SLC4A5: variants seen among roughly 807,000 people sequenced by gnomAD.
SLC4A5 encodes electrogenic sodium bicarbonate cotransporter 4.
A neutral mutation model predicts 120.4 loss-of-function variants in SLC4A5; 96 were observed. That is an observed-to-expected ratio of 0.80 (90% CI 0.68 to 0.94). The LOEUF (loss-of-function observed/expected upper bound fraction) is 0.94. Among genes scored for constraint, SLC4A5 ranks in the 40% least tolerant of loss-of-function variants. The pLI is 0.00. For synonymous variants in SLC4A5, 550 were observed against 571.1 expected (o/e 0.96, Z 0.53); for missense variants, 1,259 against 1,459.5 (o/e 0.86, Z 2.24).
chr2:74,320,118 T>G (rs1292321081), intron 5 of SLC4A5, among the ~76,000 whole-genome samples: 1 of 151,770 alleles, frequency 6.6e-6, no homozygotes, highest in Non-Finnish European at 1.5e-5. Context: ...TAAAAAGAGA[T>G]TAAACAAATA....
At chr2:74,248,543 C>A (rs1336859677) in intron 17 of SLC4A5, 57 bp from the exon 18 acceptor site, 40 of 1,597,986 alleles carry the variant, frequency 2.5e-5, no homozygotes, top group Non-Finnish European at 1.7e-5. Flanking sequence ...TCTCTCCACA[C>A]AGGCTGCAGC....
chr2:74,296,880 T>C (rs1037538666), intron 7 of SLC4A5, among the ~76,000 whole-genome samples: 2 of 152,112 alleles, frequency 1.3e-5, no homozygotes, highest in African/African-American at 2.4e-5. Context: ...GGAGATGTTT[T>C]AGAGATAAAC....
chr2:74,290,275 C>A (rs961522820), intron 7 of SLC4A5: 3 of 985,552 alleles, frequency 3.0e-6, no homozygotes, highest in Non-Finnish European at 3.6e-6. Context: ...CGCTGGGGTC[C>A]CTGGCTGTCG....
At chr2:74,331,720 T>C (rs1388572109) in intron 4 of SLC4A5, among the ~76,000 whole-genome samples, 1 of 152,066 alleles carries the variant, frequency 6.6e-6, no homozygotes, top group African/African-American at 2.4e-5. Flanking sequence ...CAAGCACTTT[T>C]GCCTCACCTT....
chr2:74,252,375 A>G, exon 16 of SLC4A5: 1 of 1,612,546 alleles, frequency 6.2e-7, no homozygotes, highest in Non-Finnish European at 8.5e-7. Flanking sequence ...TCTGCTAGGG[A>G]GAACACAGAT....
chr2:74,249,235 G>C (rs769047931), intron 17 of SLC4A5, among the ~76,000 whole-genome samples: 2 of 152,158 alleles, frequency 1.3e-5, no homozygotes, highest in East Asian at 3.9e-4. Context: ...ATAGGTTTAG[G>C]GTGCCACAGG....
intron 6 of SLC4A5, among the ~76,000 whole-genome samples, chr2:74,311,946 T>C (rs1433129131): frequency 6.6e-6 from 1 of 152,206 alleles, no homozygotes; most frequent in Non-Finnish European, 1.5e-5. Context: ...TCGTCTTCAG[T>C]TTTGTCATTT....
chr2:74,242,121 T>G, intron 19 of SLC4A5, 69 bp from the exon 20 acceptor site: 1 of 1,424,868 alleles, frequency 7.0e-7, no homozygotes, highest in South Asian at 1.2e-5. Flanking sequence ...TCCCAACCCC[T>G]TCCCATCTCC....
chr2:74,229,310 T>G (rs1488494997), intron 25 of SLC4A5, among the ~76,000 whole-genome samples: 1 of 148,546 alleles, frequency 6.7e-6, no homozygotes, highest in African/African-American at 2.5e-5. Context: ...AGTGCAGTGG[T>G]GCAATCTCGG....
At chr2:74,296,786 CAAAAA>C (rs11374814) in intron 7 of SLC4A5, among the ~76,000 whole-genome samples, 6 of 73,040 alleles carry the variant, frequency 8.2e-5, no homozygotes, top group Non-Finnish European at 1.5e-4. Flanking sequence ...GACTCTGTCT[CAAAAA>C]AAAAAAAAAA....
At chr2:74,306,371 A>C (rs10196689) in intron 6 of SLC4A5, among the ~76,000 whole-genome samples, 5,835 of 152,224 alleles carry the variant, frequency 0.038, 380 homozygotes, top group African/African-American at 0.13. Flanking sequence ...TTCTTCCCCA[A>C]ACAGAAACAT....
At chr2:74,267,647 T>C (rs546386868) in intron 8 of SLC4A5, among the ~76,000 whole-genome samples, 1 of 152,182 alleles carries the variant, frequency 6.6e-6, no homozygotes, top group Admixed American at 6.5e-5. Context: ...AGGATTGTTG[T>C]TGGGGCGGGA....
chr2:74,278,183 TG>T (rs749508316), intron 8 of SLC4A5, among the ~76,000 whole-genome samples: 1 of 152,158 alleles, frequency 6.6e-6, no homozygotes, highest in Non-Finnish European at 1.5e-5. Context: ...GGGATGACTT[TG>T]GTTGGGGGAG....
At chr2:74,315,093 G>A in intron 5 of SLC4A5, 68 bp from the exon 6 acceptor site, 1 of 1,305,694 alleles carries the variant, frequency 7.7e-7, no homozygotes, top group East Asian at 2.3e-5. Flanking sequence ...AAGGAGAAAT[G>A]GTCAAATCCA....
In SLC4A5 at chr2:74,246,933, T is replaced by G. The variant is rs1019320472; in HGVS notation, c.2059+103A>C. 55 of 1,460,526 alleles carry G rather than the reference T, an allele frequency of 3.8e-5. No individual in the cohort carries two copies. In the Middle Eastern group the frequency reaches 9.4e-4, roughly 25 times the overall value. 90.5% of individuals were successfully genotyped at this position (1,460,526 alleles called of 1,614,324 possible). Reference sequence around the variant, plus strand: ...TCTCTTGGAACTGTAAGCCCTTGGCTGAATGGCCCCTCCCCAGCAGTAGAA... The same window carrying G: ...TCTCTTGGAACTGTAAGCCCTTGGCGGAATGGCCCCTCCCCAGCAGTAGAA... On this transcript the variant is annotated intron_variant, in intron 19 of 30. Coordinates refer to ENST00000394019, the Ensembl canonical transcript of SLC4A5.
intron 5 of SLC4A5, among the ~76,000 whole-genome samples, chr2:74,320,148 C>T (rs1038947399): frequency 6.6e-6 from 1 of 151,452 alleles, no homozygotes; most frequent in African/African-American, 2.4e-5. Context: ...AACAAGAAAA[C>T]CAGAGGATCA....
At chr2:74,227,061 C>T (rs748211816) in exon 27 of SLC4A5, 17 of 1,614,122 alleles carry the variant, frequency 1.1e-5, no homozygotes, top group South Asian at 2.2e-5. Context: ...CGCAGCGGCA[C>T]GTGCCGCAGG....
At chr2:74,226,779 C>T (rs1324229734) in intron 27 of SLC4A5, among the ~76,000 whole-genome samples, 178 bp downstream of exon 27, 1 of 152,140 alleles carries the variant, frequency 6.6e-6, no homozygotes, top group African/African-American at 2.4e-5. Flanking sequence ...CACCCCACAC[C>T]ATCTGGCCTG....
intron 11 of SLC4A5, 78 bp downstream of exon 11, chr2:74,262,059 C>G (rs1022824398): frequency 1.1e-5 from 14 of 1,332,420 alleles, no homozygotes; most frequent in South Asian, 1.4e-5. Context: ...TTGTCTCCCC[C>G]ACCTATGGCA....
Sources: allele counts gnomAD v4.1 joint callset (sites outside exome capture counted in the v4.1 genomes callset), GRCh38; gene constraint gnomAD v4.1.1; transcripts MANE v1.5; gene names NCBI Gene and HGNC (gene_info 2026-07-23, HGNC 2026-07-21).